The following EML4 variants were observed in gnomAD, a reference collection of about 807,000 sequenced individuals.
EML4 encodes the protein echinoderm microtubule-associated protein-like 4.
EML4 carries 72 observed loss-of-function variants against 129.0 expected under a neutral mutation model. The observed-to-expected ratio is 0.56, with a 90% confidence interval of 0.46 to 0.68. The LOEUF is 0.68. Ranked by LOEUF, EML4 falls within the 30% of genes least tolerant of loss-of-function variation. The pLI is 0.00. For synonymous variants in EML4, 532 were observed against 405.0 expected (o/e 1.31, Z -3.77); for missense variants, 1,363 against 1,190.6 (o/e 1.14, Z -2.13).
At chr2:42,178,027 A>C (rs1670707490) in intron 1 of EML4, among the ~76,000 whole-genome samples, 1 of 152,206 alleles carries the variant, frequency 6.6e-6, no homozygotes, top group Non-Finnish European at 1.5e-5. Flanking sequence ...ATACATGAAA[A>C]GGTGGATGAA....
At chr2:42,198,148 A>G (rs1431931526) in intron 1 of EML4, among the ~76,000 whole-genome samples, 1 of 152,224 alleles carries the variant, frequency 6.6e-6, no homozygotes, top group Non-Finnish European at 1.5e-5. Context: ...GAGAATGTCC[A>G]AACACCTGTA....
At chr2:42,193,208 C>T (rs1055444297) in intron 1 of EML4, among the ~76,000 whole-genome samples, 1 of 152,058 alleles carries the variant, frequency 6.6e-6, no homozygotes, top group African/African-American at 2.4e-5. Flanking sequence ...AAGTTTATAG[C>T]CTAGGAGCAA....
intron 14 of EML4, among the ~76,000 whole-genome samples, chr2:42,301,606 A>G (rs1272462736): frequency 3.3e-5 from 5 of 151,864 alleles, no homozygotes; most frequent in African/African-American, 4.8e-5. Flanking sequence ...TTTAAAGATT[A>G]GGCAGAATAA....
intron 1 of EML4, among the ~76,000 whole-genome samples, chr2:42,221,690 G>A (rs1045542158): frequency 3.3e-5 from 5 of 151,750 alleles, no homozygotes; most frequent in African/African-American, 7.3e-5. Context: ...CACAGCCTCC[G>A]CCTCCTGGGT....
At position 42,261,222 on chromosome 2, in the gene EML4, C is replaced by T; in HGVS notation, c.440C>T (p.Pro147Leu). The T allele has an allele frequency of 6.2e-7, 1 of 1,613,962 alleles. No individual in the cohort carries two copies. The highest frequency in any genetic ancestry group is 8.5e-7 in the Non-Finnish European group (1 of 1,179,958). ...CCACAAATTCGAGCATCACCTTCTC[C>T]CCAGCCCTCTTCACAACCTCTCCAA... Reference protein sequence around the residue: ...QSPQIRASPSPQPSSQPLQIH... With the variant: ...QSPQIRASPSLQPSSQPLQIH... The change falls in exon 4 of 23, where the codon CCC becomes CTC. Residue 147 changes from proline (P) to leucine (L), a missense_variant. Coordinates refer to ENST00000318522, the MANE Select transcript of EML4 (RefSeq NM_019063.5).
intron 1 of EML4, among the ~76,000 whole-genome samples, chr2:42,227,436 C>A (rs868449147): frequency 6.6e-6 from 1 of 151,700 alleles, no homozygotes; most frequent in East Asian, 1.9e-4. Flanking sequence ...AGAATTACAT[C>A]CTACCTGCTT....
chr2:42,284,805 A>AT (rs1387194266), intron 9 of EML4, 102 bp downstream of exon 9: 2 of 796,762 alleles, frequency 2.5e-6, no homozygotes, highest in Non-Finnish European at 3.8e-6. Flanking sequence ...TTCTTTTAAA[A>AT]TTTAAGTACT....
At chr2:42,180,004 TTAA>T (rs1442489231) in intron 1 of EML4, among the ~76,000 whole-genome samples, 2 of 152,208 alleles carry the variant, frequency 1.3e-5, no homozygotes, top group African/African-American at 2.4e-5. Flanking sequence ...GGGTAAGATG[TTAA>T]TAATAGGTTA....
chr2:42,237,114 T>C (rs1362286604), intron 1 of EML4, among the ~76,000 whole-genome samples: 1 of 152,132 alleles, frequency 6.6e-6, no homozygotes, highest in Non-Finnish European at 1.5e-5. Context: ...TTTTTGTATT[T>C]TTTGTAGAGA....
At chr2:42,201,739 C>A (rs574706489) in intron 1 of EML4, among the ~76,000 whole-genome samples, 4 of 152,094 alleles carry the variant, frequency 2.6e-5, no homozygotes, top group Non-Finnish European at 5.9e-5. Flanking sequence ...AGACACATAC[C>A]CAGATAACAC....
At chr2:42,325,139 C>CACCAGTG in intron 19 of EML4, 1 of 510,928 alleles carries the variant, frequency 2.0e-6, no homozygotes, top group Non-Finnish European at 3.9e-6. Context: ...CTCATGGGGA[C>CACCAGTG]ACCAGTGACG....
At chr2:42,264,147 G>A (rs988559729) in intron 5 of EML4, among the ~76,000 whole-genome samples, 2 of 118,586 alleles carry the variant, frequency 1.7e-5, no homozygotes, top group Non-Finnish European at 1.6e-5. Context: ...TGTCTCAGTC[G>A]TCCAGGCTGG....
rs890618219 is a variant in EML4 at position 42,208,663 on chromosome 2, G to C, written c.26-36842G>C. On this transcript the variant is annotated intron_variant, in intron 1 of 22. Transcript: ENST00000318522. ...TTGGCCAGGCTGGTCTTGAACTCCT[G>C]ACCTCATGATCCACCCTCCTTGGCC... Among the ~76,000 whole-genome samples the C allele has an allele frequency of 1.1e-4, 16 of 151,934 alleles. No individual in the cohort carries two copies. The East Asian group carries it at 3.1e-3, about 29-fold the overall frequency.
At chr2:42,286,582 A>G (rs1667319775) in intron 10 of EML4, among the ~76,000 whole-genome samples, 1 of 152,206 alleles carries the variant, frequency 6.6e-6, no homozygotes, top group Admixed American at 6.5e-5. Context: ...TTAGGATGCA[A>G]GATATTTTAC....
At chr2:42,317,945 T>G (rs1669330998) in intron 19 of EML4, among the ~76,000 whole-genome samples, 1 of 152,224 alleles carries the variant, frequency 6.6e-6, no homozygotes, top group African/African-American at 2.4e-5. Context: ...TATGGATATT[T>G]GTCTGCATTT....
intron 20 of EML4, 124 bp downstream of exon 20, chr2:42,325,678 G>A (rs1424038415): frequency 4.2e-6 from 1 of 236,534 alleles, no homozygotes; most frequent in East Asian, 8.2e-5. Flanking sequence ...TGAACAGGCT[G>A]CATGGAATCT....
chr2:42,217,258 T>C (rs1431794352), intron 1 of EML4, among the ~76,000 whole-genome samples: 2 of 152,216 alleles, frequency 1.3e-5, no homozygotes, highest in African/African-American at 2.4e-5. Context: ...CAAATTGTAA[T>C]CTTAGGGATA....
At chr2:42,312,312 A>C (rs6736087) in intron 17 of EML4, among the ~76,000 whole-genome samples, 68,853 of 151,744 alleles carry the variant, frequency 0.45, 15,960 homozygotes, top group East Asian at 0.56. Context: ...ATTAACCTGA[A>C]AAACTGGTTC....
chr2:42,213,720 G>C (rs577958157), intron 1 of EML4, among the ~76,000 whole-genome samples: 1 of 152,058 alleles, frequency 6.6e-6, no homozygotes, highest in African/African-American at 2.4e-5. Flanking sequence ...GGTTTTAAAA[G>C]CATGGAAAAA....
Sources: gnomAD v4.1 joint callset for allele counts (sites outside exome capture counted in the v4.1 genomes callset) on GRCh38, gnomAD v4.1.1 for gene constraint, MANE v1.5 for transcripts, NCBI Gene and HGNC (gene_info 2026-07-23, HGNC 2026-07-21) for gene names.